The following MBOAT2 variants were observed in gnomAD, a reference collection of about 807,000 sequenced individuals.
MBOAT2 encodes membrane-bound glycerophospholipid O-acyltransferase 2.
In MBOAT2, 28 loss-of-function variants were observed where a neutral mutation model predicts 63.4. The ratio of observed to expected loss-of-function variants is 0.44; its 90% CI spans 0.33 to 0.61. MBOAT2 has a LOEUF of 0.61. Among genes scored for constraint, MBOAT2 ranks in the 20% least tolerant of loss-of-function variants. MBOAT2 has a pLI of 0.03. For missense variants in MBOAT2, 470 were observed against 605.8 expected (o/e 0.78, Z 2.35); for synonymous variants, 211 against 215.6 (o/e 0.98, Z 0.19).
chr2:8,954,507 GA>G lies in MBOAT2; in HGVS notation c.221+3989del, dbSNP rs774732316. Among the ~76,000 whole-genome samples the G allele has an allele frequency of 2.6e-5, 4 of 152,156 alleles. No individual in the cohort carries two copies. In the East Asian group the frequency reaches 7.7e-4, roughly 29 times the overall value. On this transcript the variant is annotated intron_variant, in intron 2 of 12. Transcript: ENST00000305997. ...GGAGAATCCAGAGGGCAGCCACCGA[GA>G]ATGCAGGATTGTGCCTAGGCATGCA...
At chr2:8,937,234 G>A (rs570513781) in intron 3 of MBOAT2, among the ~76,000 whole-genome samples, 1 of 152,234 alleles carries the variant, frequency 6.6e-6, no homozygotes, top group Non-Finnish European at 1.5e-5. Flanking sequence ...GTGGATCCCA[G>A]TGTTCTAAAT....
At chr2:8,880,796 G>A (rs892913699) in intron 6 of MBOAT2, among the ~76,000 whole-genome samples, 2 of 152,258 alleles carry the variant, frequency 1.3e-5, no homozygotes, top group African/African-American at 4.8e-5. Context: ...ACTGGCCAAT[G>A]CTGCGAGGTT....
chr2:8,953,867 T>C (rs1460682551), intron 2 of MBOAT2, among the ~76,000 whole-genome samples: 1 of 152,230 alleles, frequency 6.6e-6, no homozygotes, highest in Non-Finnish European at 1.5e-5. Flanking sequence ...CAACTTTGTC[T>C]TGGATCTCAC....
intron 3 of MBOAT2, among the ~76,000 whole-genome samples, chr2:8,923,522 A>G (rs781099331): frequency 2.6e-5 from 4 of 152,142 alleles, no homozygotes; most frequent in Non-Finnish European, 5.9e-5. Flanking sequence ...GAATTCTCAG[A>G]GAGGCAGATT....
At chr2:8,985,947 T>C (rs1363596791) in intron 1 of MBOAT2, among the ~76,000 whole-genome samples, 1 of 152,084 alleles carries the variant, frequency 6.6e-6, no homozygotes, top group African/African-American at 2.4e-5. Flanking sequence ...ATATGGAAAG[T>C]GGGAGTAAAA....
At chr2:8,923,430 A>C (rs1485782189) in intron 3 of MBOAT2, among the ~76,000 whole-genome samples, 1 of 152,154 alleles carries the variant, frequency 6.6e-6, no homozygotes, top group Admixed American at 6.6e-5. Context: ...ATGCAAAAAC[A>C]GTTTTAGACA....
At chr2:8,973,963 ATC>A (rs1233690481) in intron 1 of MBOAT2, among the ~76,000 whole-genome samples, 15 of 152,204 alleles carry the variant, frequency 9.9e-5, no homozygotes, top group Non-Finnish European at 1.6e-4. Flanking sequence ...CAGTGATAAT[ATC>A]AAAATTGGAA....
intron 3 of MBOAT2, among the ~76,000 whole-genome samples, chr2:8,909,950 C>T (rs979356738): frequency 1.3e-5 from 2 of 152,242 alleles, no homozygotes; most frequent in African/African-American, 4.8e-5. Flanking sequence ...GTCTACCTCG[C>T]TGCCCACCTC....
intron 1 of MBOAT2, among the ~76,000 whole-genome samples, chr2:8,994,741 C>A (rs1243137424): frequency 6.6e-6 from 1 of 152,014 alleles, no homozygotes; most frequent in Non-Finnish European, 1.5e-5. Flanking sequence ...ATGCAAGATA[C>A]CCAAAAAGGG....
chr2:8,921,079 T>C (rs1558616864), intron 3 of MBOAT2, among the ~76,000 whole-genome samples: 1 of 152,232 alleles, frequency 6.6e-6, no homozygotes, highest in Non-Finnish European at 1.5e-5. Flanking sequence ...TGGCATTTAC[T>C]GTAAGTATTT....
chr2:8,919,674 A>G (rs1046617638), intron 3 of MBOAT2, among the ~76,000 whole-genome samples: 10 of 152,050 alleles, frequency 6.6e-5, no homozygotes, highest in Non-Finnish European at 1.2e-4. Flanking sequence ...TTATCTCTTC[A>G]TTTCCTTAAA....
chr2:8,859,765 G>A (rs1051494726), intron 12 of MBOAT2, among the ~76,000 whole-genome samples: 5 of 152,168 alleles, frequency 3.3e-5, no homozygotes, highest in Non-Finnish European at 7.3e-5. Flanking sequence ...TTGGTGGGCA[G>A]GGAGAGGAGA....
intron 5 of MBOAT2, among the ~76,000 whole-genome samples, chr2:8,886,304 T>C (rs1255573424): frequency 6.6e-6 from 1 of 152,232 alleles, no homozygotes; most frequent in Non-Finnish European, 1.5e-5. Context: ...CAGGCACCTT[T>C]GTACTTTATT....
At chr2:8,884,885 C>T (rs1663433849) in intron 5 of MBOAT2, among the ~76,000 whole-genome samples, 2 of 152,126 alleles carry the variant, frequency 1.3e-5, no homozygotes, top group Admixed American at 1.3e-4. Flanking sequence ...CAACAAAAAC[C>T]AATTAAAGAC....
At chr2:8,954,098 A>C (rs1669032168) in intron 2 of MBOAT2, among the ~76,000 whole-genome samples, 1 of 151,230 alleles carries the variant, frequency 6.6e-6, no homozygotes, top group African/African-American at 2.4e-5. Context: ...CTATAATGTT[A>C]TTTCTTCTTT....
At chr2:8,943,560 T>G (rs1263454622) in intron 2 of MBOAT2, among the ~76,000 whole-genome samples, 1 of 152,172 alleles carries the variant, frequency 6.6e-6, no homozygotes, top group Non-Finnish European at 1.5e-5. Flanking sequence ...GATTATAGCT[T>G]TCTTCATAAC....
rs1344152039 is a variant in MBOAT2, at chr2:8,855,973, T to C, written c.*2706A>G. 6.6e-6 allele frequency: 1 copy of C among 152,136 alleles called. No homozygotes were observed. Among genetic ancestry groups the C allele is most frequent in the Non-Finnish European group, 1.5e-5 (1 of 68,020 alleles). The allele number at this position is 152,136 out of a possible 1,614,324, so 9.4% of individuals were successfully genotyped here. A position where few individuals can be genotyped will look rare whatever the true frequency, so the allele number is the denominator to read the frequency against. On this transcript the variant is annotated 3_prime_UTR_variant, in exon 13 of 13. Coordinates refer to ENST00000305997, the MANE Select transcript of MBOAT2 (RefSeq NM_138799.4). ...CCTTTCTATTTAACAGGAGTAGACG[T>C]ACCAGTTTAAAATTCTTCTACTGTA...
intron 2 of MBOAT2, among the ~76,000 whole-genome samples, chr2:8,943,523 G>A (rs1376417998): frequency 1.3e-5 from 2 of 152,182 alleles, no homozygotes; most frequent in African/African-American, 2.4e-5. Flanking sequence ...TGGCTGCATG[G>A]AAGCCGTGTG....
At chr2:8,899,820 G>T (rs1452249733) in intron 4 of MBOAT2, among the ~76,000 whole-genome samples, 3 of 152,198 alleles carry the variant, frequency 2.0e-5, no homozygotes, top group Non-Finnish European at 4.4e-5. Context: ...GCCTTTCTCT[G>T]ATCTCGCTTT....
Sources: gnomAD v4.1 joint callset for allele counts (sites outside exome capture counted in the v4.1 genomes callset) on GRCh38, gnomAD v4.1.1 for gene constraint, MANE v1.5 for transcripts, NCBI Gene and HGNC (gene_info 2026-07-23, HGNC 2026-07-21) for gene names.